Variants in GABRA3 observed in about 807,000 individuals in gnomAD.
The protein encoded by GABRA3 is gamma-aminobutyric acid receptor subunit alpha-3.
GABRA3 carries 10 observed loss-of-function variants against 30.1 expected under a neutral mutation model. The ratio of observed to expected loss-of-function variants is 0.33; its 90% CI spans 0.20 to 0.56. The LOEUF (loss-of-function observed/expected upper bound fraction) is 0.56. GABRA3 is among the 20% of genes least tolerant of loss of function. The pLI is 0.89. For synonymous variants in GABRA3, 151 were observed against 146.8 expected (o/e 1.03, Z -0.21); for missense variants, 233 against 392.0 (o/e 0.59, Z 3.42).
intron 7 of GABRA3, among the ~76,000 whole-genome samples, chrX:152,206,283 C>A (rs902321104): frequency 3.6e-5 from 4 of 112,591 alleles, no homozygotes; most frequent in Non-Finnish European, 7.5e-5. Context: ...CCTCCTGGGG[C>A]CCCCTCTTTT....
chrX:152,327,476 AAG>A (rs1330916393), intron 3 of GABRA3, among the ~76,000 whole-genome samples: 2 of 112,123 alleles, frequency 1.8e-5, no homozygotes, highest in African/African-American at 6.5e-5. Context: ...GCAAATGTAA[AAG>A]AACAGAAATT....
intron 4 of GABRA3, among the ~76,000 whole-genome samples, chrX:152,271,435 G>A (rs760356864): frequency 8.9e-6 from 1 of 112,431 alleles, no homozygotes; most frequent in Admixed American, 9.4e-5. Context: ...CTGCCCTAGA[G>A]ATCTGTGGAA....
intron 3 of GABRA3, among the ~76,000 whole-genome samples, chrX:152,288,628 C>T (rs1032056873): frequency 1.8e-5 from 2 of 111,846 alleles, no homozygotes; most frequent in African/African-American, 6.5e-5. Flanking sequence ...ATCCACTCAC[C>T]ACTTCAGCTC....
intron 4 of GABRA3, among the ~76,000 whole-genome samples, chrX:152,272,502 C>T (rs769529876): frequency 4.5e-5 from 5 of 111,765 alleles, no homozygotes; most frequent in South Asian, 3.7e-4. Flanking sequence ...TTTACAGGCT[C>T]GTAGGTGGAA....
At chrX:152,197,820 A>G (rs1346099719) in intron 7 of GABRA3, 35 bp from the exon 8 acceptor site, 1 of 1,094,572 alleles carries the variant, frequency 9.1e-7, no homozygotes, top group African/African-American at 1.8e-5. Flanking sequence ...GTATGTAGCT[A>G]CATAAACATT....
rs199852006 is a variant in GABRA3 at position 152,255,900 on chromosome X, A to T, written c.429T>A (p.Ala143=). ...MKILPLNNLL[A]SKIWTPDTFF... ...AGGTGTCCGGTGTCCAGATCTTACT[A>T]GCCAGGAGATTGTTCAGTGGAAGGA... Residue 143 remains alanine, a synonymous_variant, in exon 5 of 10, where the codon GCT becomes GCA. Coordinates refer to ENST00000370314, the MANE Select transcript of GABRA3 (RefSeq NM_000808.4). 4.1e-6 allele frequency: 5 copies of T among 1,210,675 alleles called. No homozygotes were observed. Among genetic ancestry groups the T allele is most frequent in the Non-Finnish European group, 5.6e-6 (5 of 894,741 alleles).
intron 1 of GABRA3, among the ~76,000 whole-genome samples, chrX:152,383,597 A>G (rs370279341): frequency 2.4e-4 from 26 of 108,604 alleles, no homozygotes; most frequent in African/African-American, 8.7e-4. Flanking sequence ...AAAAATTTAT[A>G]ATACTCCATA....
chrX:152,190,788 T>C (rs1025856674), intron 8 of GABRA3, among the ~76,000 whole-genome samples: 1 of 110,173 alleles, frequency 9.1e-6, no homozygotes, highest in African/African-American at 3.3e-5. Context: ...GGGGGGAGTG[T>C]TATTCTAAAT....
At chrX:152,217,523 G>A (rs922523078) in intron 6 of GABRA3, among the ~76,000 whole-genome samples, 1 of 111,526 alleles carries the variant, frequency 9.0e-6, no homozygotes, top group African/African-American at 3.2e-5. Context: ...AATTATTTGT[G>A]AAAACCTGGT....
intron 1 of GABRA3, among the ~76,000 whole-genome samples, chrX:152,405,465 C>T (rs1031432891): frequency 2.6e-4 from 29 of 110,091 alleles, no homozygotes; most frequent in African/African-American, 8.3e-4. Flanking sequence ...AGGCAGTGGA[C>T]GTGGACTGTG....
At chrX:152,197,849 C>A in intron 7 of GABRA3, 64 bp from the exon 8 acceptor site, 1 of 898,977 alleles carries the variant, frequency 1.1e-6, no homozygotes, top group Non-Finnish European at 1.6e-6. Flanking sequence ...AAGTTGGGCC[C>A]CAATTCAATT....
chrX:152,247,679 G>A (rs991127285), intron 5 of GABRA3, among the ~76,000 whole-genome samples: 3 of 111,846 alleles, frequency 2.7e-5, no homozygotes, highest in African/African-American at 9.7e-5. Flanking sequence ...CTATGAGGCA[G>A]GCATTGTTAT....
chrX:152,241,258 T>C (rs1244971260), intron 5 of GABRA3, among the ~76,000 whole-genome samples: 6 of 96,358 alleles, frequency 6.2e-5, no homozygotes, highest in Non-Finnish European at 9.0e-5. Flanking sequence ...TACCCTGCAG[T>C]GTGAGGTGTC....
chrX:152,300,664 G>T (rs947095320), intron 3 of GABRA3, among the ~76,000 whole-genome samples: 2 of 112,351 alleles, frequency 1.8e-5, no homozygotes, highest in Non-Finnish European at 3.8e-5. Flanking sequence ...TGGAAAGATA[G>T]ATGTTCTCAG....
chrX:152,320,820 C>T (rs944833576), intron 3 of GABRA3, among the ~76,000 whole-genome samples: 3 of 111,965 alleles, frequency 2.7e-5, no homozygotes, highest in African/African-American at 9.7e-5. Context: ...TTGATTTGGT[C>T]TTTCTTAACA....
At chrX:152,303,358 G>C (rs1164853511) in intron 3 of GABRA3, among the ~76,000 whole-genome samples, 1 of 112,034 alleles carries the variant, frequency 8.9e-6, no homozygotes, top group Non-Finnish European at 1.9e-5. Flanking sequence ...CTTTTACACT[G>C]TTGTTGGGAG....
intron 5 of GABRA3, among the ~76,000 whole-genome samples, chrX:152,229,842 A>C (rs1938033247): frequency 9.0e-6 from 1 of 111,424 alleles, no homozygotes; most frequent in Non-Finnish European, 1.9e-5. Flanking sequence ...TTTATAGAGA[A>C]AAAGTTAAAG....
intron 1 of GABRA3, among the ~76,000 whole-genome samples, chrX:152,394,779 G>T (rs887064836): frequency 4.5e-5 from 5 of 111,665 alleles, no homozygotes; most frequent in Middle Eastern, 4.7e-3. Context: ...TGAAAAAGGG[G>T]ATAGATATGG....
At chrX:152,273,295 C>A (rs1938980934) in intron 4 of GABRA3, among the ~76,000 whole-genome samples, 2 of 112,019 alleles carry the variant, frequency 1.8e-5, no homozygotes, top group African/African-American at 6.5e-5. Context: ...ATTACAGATG[C>A]TTGCAAGGAT....
Sources: allele counts gnomAD v4.1 joint callset (sites outside exome capture counted in the v4.1 genomes callset), GRCh38; gene constraint gnomAD v4.1.1; transcripts MANE v1.5; gene names NCBI Gene and HGNC (gene_info 2026-07-23, HGNC 2026-07-21).